The following ZBTB7C variants were observed in gnomAD, a reference collection of about 807,000 sequenced individuals.
ZBTB7C encodes zinc finger and BTB domain-containing protein 7C.
Under a neutral mutation model 25.7 loss-of-function variants are expected in ZBTB7C, and 8 were observed. The ratio of observed to expected loss-of-function variants is 0.31; its 90% CI spans 0.18 to 0.56. ZBTB7C has a LOEUF of 0.56. Among genes scored for constraint, ZBTB7C ranks in the 20% least tolerant of loss-of-function variants. ZBTB7C has a pLI of 0.91. For missense variants in ZBTB7C, 824 were observed against 855.2 expected (o/e 0.96, Z 0.46); for synonymous variants, 394 against 369.0 (o/e 1.07, Z -0.78).
intron 2 of ZBTB7C, among the ~76,000 whole-genome samples, chr18:48,290,068 T>A (rs1251896803): frequency 6.6e-6 from 1 of 152,224 alleles, no homozygotes; most frequent in East Asian, 1.9e-4. Context: ...TAGCACCTTC[T>A]TTATAGGGTT....
At chr18:48,389,188 A>G (rs925111180) in intron 1 of ZBTB7C, among the ~76,000 whole-genome samples, 6 of 24,440 alleles carry the variant, frequency 2.5e-4, no homozygotes, top group Non-Finnish European at 4.9e-4. Flanking sequence ...AGAGCCCTTT[A>G]ACTCTCTCTC....
rs116118566 is a variant in ZBTB7C, at chr18:48,040,354, C to T, written c.754G>A (p.Ala252Thr). ...CAGAGGTGTGGAAAGAAGTCCGGGG[C>T]GAATGGAGACAAGGAGGGTCTCCTG... ...PDRRPSLSPF[A>T]PDFFPHLWPG... Residue 252 changes from alanine to threonine, a missense_variant, in exon 4 of 5, where the codon GCC becomes ACC. Physicochemically the swap from Ala to Thr is moderately conservative, Grantham distance 58. Around this residue, in one of 4 missense-constraint regions of ZBTB7C, gnomAD observed 316 missense variants for 299.2 expected, o/e 1.06. Transcript: ENST00000590800. 5.8e-4 allele frequency: 938 copies of T among 1,609,036 alleles called. 8 individuals are homozygous for T. In the African/African-American group the frequency reaches 0.011, roughly 19 times the overall value.
chr18:48,210,604 G>T (rs114952198), intron 2 of ZBTB7C, among the ~76,000 whole-genome samples: 2 of 152,152 alleles, frequency 1.3e-5, no homozygotes, highest in South Asian at 2.1e-4. Context: ...TACATGTCCA[G>T]CAAAGGCAAA....
chr18:48,209,076 T>A (rs868372595), intron 2 of ZBTB7C, among the ~76,000 whole-genome samples: 10 of 152,222 alleles, frequency 6.6e-5, no homozygotes, highest in Admixed American at 2.6e-4. Context: ...CCTGGATATA[T>A]TTATAGAGAA....
At chr18:48,329,023 G>A (rs1233490836) in intron 2 of ZBTB7C, among the ~76,000 whole-genome samples, 1 of 152,128 alleles carries the variant, frequency 6.6e-6, no homozygotes, top group Non-Finnish European at 1.5e-5. Flanking sequence ...GCTGGTCTCA[G>A]TCCCAGTGGC....
At chr18:48,398,081 A>G (rs2048069538) in intron 1 of ZBTB7C, among the ~76,000 whole-genome samples, 1 of 152,210 alleles carries the variant, frequency 6.6e-6, no homozygotes, top group Non-Finnish European at 1.5e-5. Flanking sequence ...TTCCAAAAGC[A>G]TCCTGAGCCC....
intron 1 of ZBTB7C, chr18:48,374,224 C>T (rs914005291): frequency 3.9e-5 from 6 of 152,276 alleles, no homozygotes; most frequent in Admixed American, 1.3e-4. Flanking sequence ...CAGCTCACCT[C>T]AGTGTCCAGT....
intron 2 of ZBTB7C, among the ~76,000 whole-genome samples, chr18:48,267,402 T>G (rs2044346081): frequency 6.6e-6 from 1 of 152,234 alleles, no homozygotes; most frequent in Admixed American, 6.5e-5. Context: ...CACCACACTC[T>G]CAGCTGGAGT....
intron 2 of ZBTB7C, among the ~76,000 whole-genome samples, chr18:48,302,194 T>C (rs2045560750): frequency 6.6e-6 from 1 of 152,152 alleles, no homozygotes; most frequent in South Asian, 2.1e-4. Flanking sequence ...TTCTCCTAGG[T>C]TCCTCCCCAT....
chr18:48,165,078 C>T (rs1599008227), intron 3 of ZBTB7C: 1 of 1,280,792 alleles, frequency 7.8e-7, no homozygotes, highest in East Asian at 5.6e-5. Flanking sequence ...TGCTTGAACA[C>T]ATTCCCACAA....
chr18:48,230,671 C>T (rs1050260839), intron 2 of ZBTB7C, among the ~76,000 whole-genome samples: 1 of 152,190 alleles, frequency 6.6e-6, no homozygotes, highest in Admixed American at 6.5e-5. Flanking sequence ...AGGATGTGAG[C>T]TGCCAGTGGG....
At chr18:48,327,563 C>T (rs1367927932) in intron 2 of ZBTB7C, among the ~76,000 whole-genome samples, 1 of 152,170 alleles carries the variant, frequency 6.6e-6, no homozygotes, top group Admixed American at 6.5e-5. Flanking sequence ...TTCCCAGTCT[C>T]GATCCCAGCT....
At chr18:48,267,995 GTC>G (rs1434468950) in intron 2 of ZBTB7C, among the ~76,000 whole-genome samples, 5 of 152,172 alleles carry the variant, frequency 3.3e-5, no homozygotes, top group African/African-American at 1.2e-4. Context: ...GCTTCTAAAT[GTC>G]TCTGTCTCAC....
chr18:48,348,748 C>T (rs1231582293), intron 1 of ZBTB7C, among the ~76,000 whole-genome samples: 2 of 152,230 alleles, frequency 1.3e-5, no homozygotes, highest in African/African-American at 4.8e-5. Context: ...ACCTGGGAGG[C>T]AGAGGTTGCA....
intron 2 of ZBTB7C, among the ~76,000 whole-genome samples, chr18:48,225,337 G>C (rs2043061612): frequency 6.6e-6 from 1 of 151,890 alleles, no homozygotes; most frequent in African/African-American, 2.4e-5. Context: ...GGAAGGAGAG[G>C]GAGAGAGAAT....
At chr18:48,157,341 T>A (rs1598989773) in intron 3 of ZBTB7C, among the ~76,000 whole-genome samples, 2 of 152,162 alleles carry the variant, frequency 1.3e-5, no homozygotes, top group Admixed American at 1.3e-4. Flanking sequence ...AGAAATCTCC[T>A]TGGGAACTCA....
intron 2 of ZBTB7C, among the ~76,000 whole-genome samples, chr18:48,305,909 G>A (rs2045661394): frequency 6.6e-6 from 1 of 152,214 alleles, no homozygotes; most frequent in South Asian, 2.1e-4. Context: ...AGGAAGCCAA[G>A]GATGATGCTA....
chr18:48,216,067 T>A (rs1221580781), intron 2 of ZBTB7C, among the ~76,000 whole-genome samples: 1 of 152,198 alleles, frequency 6.6e-6, no homozygotes, highest in East Asian at 1.9e-4. Flanking sequence ...CAACCCTCTC[T>A]TCCCTTCATG....
chr18:48,034,663 G>T (rs1275189767), intron 4 of ZBTB7C, among the ~76,000 whole-genome samples: 4 of 152,170 alleles, frequency 2.6e-5, no homozygotes, highest in Admixed American at 1.3e-4. Context: ...CGCGTTTGGT[G>T]ACTGACTAGT....
Sources: gnomAD v4.1 joint callset for allele counts (sites outside exome capture counted in the v4.1 genomes callset) on GRCh38, gnomAD v4.1.1 for gene constraint, gnomAD v4.1.1 regional missense constraint, MANE v1.5 for transcripts, NCBI Gene and HGNC (gene_info 2026-07-23, HGNC 2026-07-21) for gene names.